SLC1A1: variants seen among roughly 807,000 people sequenced by gnomAD.
SLC1A1 encodes the protein excitatory amino acid transporter 3.
A neutral mutation model predicts 53.3 loss-of-function variants in SLC1A1; 43 were observed. That is an observed-to-expected ratio of 0.81 (90% CI 0.63 to 1.04). SLC1A1 has a LOEUF of 1.04. Among genes scored for constraint, SLC1A1 ranks in the 50% least tolerant of loss-of-function variants. SLC1A1 has a pLI of 0.00. For missense variants in SLC1A1, 748 were observed against 664.9 expected (o/e 1.12, Z -1.37); for synonymous variants, 307 against 243.2 (o/e 1.26, Z -2.44).
intron 1 of SLC1A1, among the ~76,000 whole-genome samples, chr9:4,493,284 T>C (rs1820300489): frequency 4.6e-5 from 7 of 152,230 alleles, no homozygotes; most frequent in Admixed American, 4.6e-4. Context: ...ACAGGGGTCC[T>C]TTTCTTGTCC....
chr9:4,520,482 A>G (rs374406845), intron 1 of SLC1A1, among the ~76,000 whole-genome samples: 2 of 152,162 alleles, frequency 1.3e-5, no homozygotes, highest in Admixed American at 6.5e-5. Flanking sequence ...CCTGTTCTGG[A>G]CATTTCATAT....
chr9:4,580,643 G>GTA (rs773009358), intron 10 of SLC1A1, among the ~76,000 whole-genome samples: 10,280 of 142,156 alleles, frequency 0.072, 658 homozygotes, highest in African/African-American at 0.1. Context: ...GTGTGTGTGT[G>GTA]TGTGTGTGTA....
chr9:4,575,780 C>T (rs1288935991), intron 8 of SLC1A1, among the ~76,000 whole-genome samples: 4 of 152,208 alleles, frequency 2.6e-5, no homozygotes, highest in African/African-American at 9.7e-5. Flanking sequence ...GATTCAGCTA[C>T]TGGCTTTGTC....
At chr9:4,517,545 T>C (rs1425098932) in intron 1 of SLC1A1, among the ~76,000 whole-genome samples, 6 of 152,228 alleles carry the variant, frequency 3.9e-5, no homozygotes, top group African/African-American at 7.2e-5. Flanking sequence ...ATTGCTGTGA[T>C]ATTTGCTTTC....
chr9:4,509,279 A>G (rs555050549), intron 1 of SLC1A1, among the ~76,000 whole-genome samples: 1 of 152,280 alleles, frequency 6.6e-6, no homozygotes, highest in African/African-American at 2.4e-5. Context: ...GCAGGCCTGT[A>G]TTGGTTAGGG....
intron 2 of SLC1A1, among the ~76,000 whole-genome samples, chr9:4,557,272 T>C (rs886369431): frequency 6.6e-6 from 1 of 152,252 alleles, no homozygotes; most frequent in African/African-American, 2.4e-5. Context: ...AGTGCAGTGA[T>C]GGAACTACGT....
Position 4,490,736 on chromosome 9 carries a change from G to T in SLC1A1, c.57G>T (p.Trp19Cys), listed in dbSNP as rs538368623. 11 of 1,612,888 alleles carry T rather than the reference G, an allele frequency of 6.8e-6. No homozygotes were observed. The highest frequency in any genetic ancestry group is 1.3e-5 in the African/African-American group (1 of 74,982). Residue 19 changes from tryptophan to cysteine, a missense_variant, in exon 1 of 12, where the codon TGG becomes TGT. Transcript: ENST00000262352. ...GGAAGCGCTTCCTGAAGAATAACTG[G>T]GTGTTGCTGTCCACCGTGGCCGCGG... ...CEWKRFLKNN[W>C]VLLSTVAAVV...
rs1429723258 is a variant in SLC1A1 at position 4,572,384 on chromosome 9, A to G, written c.763A>G (p.Met255Val). 1.2e-6 allele frequency: 2 copies of G among 1,613,470 alleles called. No individual in the cohort carries two copies. Among genetic ancestry groups the G allele is most frequent in the Non-Finnish European group, 1.7e-6 (2 of 1,179,486 alleles). The change falls in exon 7 of 12, where the codon ATG (methionine) becomes GTG (valine). Residue 255 changes from methionine to valine, a missense_variant. By Grantham distance (21) the Met-to-Val change is conservative (BLOSUM62 1). Coordinates refer to ENST00000262352, the MANE Select transcript of SLC1A1 (RefSeq NM_004170.6). Reference sequence around the variant, plus strand: ...AACCATGAAAATCGTTCAGATCATCATGTGGTGAGCAGACACTGTTTAATG... The same window carrying G: ...AACCATGAAAATCGTTCAGATCATCGTGTGGTGAGCAGACACTGTTTAATG... ...DATMKIVQIIMCYMPLGILFL... is the reference protein window; with the variant it reads ...DATMKIVQIIVCYMPLGILFL...
chr9:4,521,677 A>G (rs1816076742), intron 1 of SLC1A1, among the ~76,000 whole-genome samples: 1 of 152,108 alleles, frequency 6.6e-6, no homozygotes, highest in Non-Finnish European at 1.5e-5. Context: ...ATGGCTGGCT[A>G]GTGTCATTTT....
rs751718927 is a variant in SLC1A1, at chr9:4,564,417, C to A, written c.399C>A (p.Thr133=). 9 of 1,613,648 alleles carry A rather than the reference C, an allele frequency of 5.6e-6. No individual in the cohort carries two copies. In the South Asian group the frequency reaches 9.9e-5, roughly 18 times the overall value. Residue 133 remains threonine, a synonymous_variant, in exon 4 of 12, where the codon ACC becomes ACA. Transcript: ENST00000262352. ...KVGEIARTGS[T]PEVSTVDAML... is the part of the protein sequence containing the mutation. ...GTGAAATTGCGAGGACAGGCAGCACCCCTGAAGTCAGTACGGTGGATGCCA... is the reference window on the plus strand; with the variant it reads ...GTGAAATTGCGAGGACAGGCAGCACACCTGAAGTCAGTACGGTGGATGCCA...
chr9:4,532,970 A>G (rs1333332158), intron 1 of SLC1A1, among the ~76,000 whole-genome samples: 7 of 152,210 alleles, frequency 4.6e-5, no homozygotes, highest in Non-Finnish European at 7.3e-5. Context: ...ACTAAGCTTC[A>G]TAAGTGAAGG....
chr9:4,561,638 T>C, intron 3 of SLC1A1, 97 bp downstream of exon 3: 1 of 808,408 alleles, frequency 1.2e-6, no homozygotes, highest in Non-Finnish European at 2.2e-6. Context: ...AGGCCTGTAA[T>C]CTCAGAAATC....
At chr9:4,541,796 G>C (rs377220393) in intron 1 of SLC1A1, among the ~76,000 whole-genome samples, 17 of 152,066 alleles carry the variant, frequency 1.1e-4, no homozygotes, top group African/African-American at 4.1e-4. Flanking sequence ...TTACCAGGTG[G>C]GCCTGGCCTG....
chr9:4,507,017 G>T (rs1820830369), intron 1 of SLC1A1, among the ~76,000 whole-genome samples: 1 of 152,132 alleles, frequency 6.6e-6, no homozygotes, highest in South Asian at 2.1e-4. Context: ...GAATCACTAG[G>T]TCAGGAAATG....
chr9:4,502,324 C>G (rs12003869), intron 1 of SLC1A1, among the ~76,000 whole-genome samples: 3 of 127,456 alleles, frequency 2.4e-5, no homozygotes, highest in Admixed American at 1.9e-4. Flanking sequence ...GAGGTTGAGT[C>G]TGCAGTGAGC....
chr9:4,572,293 T>G lies in SLC1A1; in HGVS notation c.672T>G (p.Leu224=). 6.2e-7 allele frequency: 1 copy of G among 1,614,132 alleles called. No homozygotes were observed. The highest frequency in any genetic ancestry group is 1.3e-5 in the African/African-American group (1 of 75,056). ...GLIVFCLVFG[L]VIGKMGEKGQ... is the part of the protein sequence containing the mutation. ...TTGTCTTTTGCCTTGTCTTTGGACTTGTCATTGGAAAAATGGGAGAAAAGG... is the reference window on the plus strand; with the variant it reads ...TTGTCTTTTGCCTTGTCTTTGGACTGGTCATTGGAAAAATGGGAGAAAAGG... The change falls in exon 7 of 12, where the codon CTT becomes CTG. Residue 224 remains leucine, a synonymous_variant. Transcript: ENST00000262352.
chr9:4,525,329 A>C (rs1312068537), intron 1 of SLC1A1, among the ~76,000 whole-genome samples: 3 of 152,142 alleles, frequency 2.0e-5, no homozygotes, highest in Non-Finnish European at 4.4e-5. Context: ...CTAAATTTAC[A>C]CCACTGTGTA....
intron 1 of SLC1A1, among the ~76,000 whole-genome samples, chr9:4,500,822 G>C (rs1004767113): frequency 4.1e-4 from 62 of 152,280 alleles, no homozygotes; most frequent in African/African-American, 1.4e-3. Flanking sequence ...ACCAAAGGTA[G>C]AATATTTCCT....
At chr9:4,534,427 T>C (rs1212886975) in intron 1 of SLC1A1, among the ~76,000 whole-genome samples, 14 of 152,098 alleles carry the variant, frequency 9.2e-5, no homozygotes, top group African/African-American at 1.2e-4. Context: ...GAGAATACTA[T>C]AAACACCTCT....
Sources: gnomAD v4.1 joint callset for allele counts (sites outside exome capture counted in the v4.1 genomes callset) on GRCh38, gnomAD v4.1.1 for gene constraint, MANE v1.5 for transcripts, NCBI Gene and HGNC (gene_info 2026-07-23, HGNC 2026-07-21) for gene names.